KLHL2: variants seen among roughly 807,000 people sequenced by gnomAD.
KLHL2 encodes the protein kelch-like protein 2.
A neutral mutation model predicts 75.8 loss-of-function variants in KLHL2; 15 were observed. The observed-to-expected ratio is 0.20, with a 90% CI of 0.13 to 0.30. The LOEUF is 0.30. KLHL2 is among the 10% of genes least tolerant of loss of function. The pLI is 1.00. For missense variants in KLHL2, 381 were observed against 741.0 expected, an observed-to-expected ratio of 0.51 and a Z score of 5.64; for synonymous variants, 214 against 251.9, an observed-to-expected ratio of 0.85 and a Z score of 1.42.
chr4:165,247,361 T>C (rs1400618710), intron 4 of KLHL2, among the ~76,000 whole-genome samples: 2 of 152,176 alleles, frequency 1.3e-5, no homozygotes, highest in Non-Finnish European at 2.9e-5. Flanking sequence ...TGCCCTTTGC[T>C]ATGAAAGGGG....
At chr4:165,321,977 G>C in intron 14 of KLHL2, 55 bp from the exon 15 acceptor site, 2 of 1,521,548 alleles carry the variant, frequency 1.3e-6, no homozygotes, top group Non-Finnish European at 1.8e-6. Context: ...TGTTTTCTCA[G>C]AGATACAGAG....
chr4:165,317,169 T>C (rs1217493329), intron 13 of KLHL2, among the ~76,000 whole-genome samples: 1 of 151,948 alleles, frequency 6.6e-6, no homozygotes, highest in East Asian at 1.9e-4. Flanking sequence ...CTAACATATA[T>C]TTTCTTCCTT....
intron 3 of KLHL2, among the ~76,000 whole-genome samples, chr4:165,229,637 C>A (rs1738723165): frequency 6.6e-6 from 1 of 152,210 alleles, no homozygotes; most frequent in African/African-American, 2.4e-5. Flanking sequence ...TTACTAGATA[C>A]TTCAAGGCAT....
At chr4:165,278,154 T>G in intron 5 of KLHL2, 1 of 1,485,108 alleles carries the variant, frequency 6.7e-7, no homozygotes, top group Middle Eastern at 1.7e-4. Flanking sequence ...GAATAACGAA[T>G]TTCACTTTCC....
intron 5 of KLHL2, among the ~76,000 whole-genome samples, chr4:165,270,624 T>C (rs549645303): frequency 5.9e-5 from 9 of 152,294 alleles, no homozygotes; most frequent in Admixed American, 1.3e-4. Context: ...CTTCAGACCC[T>C]GTTTGCCTGG....
At chr4:165,244,400 G>GT (rs1740066101) in intron 4 of KLHL2, among the ~76,000 whole-genome samples, 1 of 152,230 alleles carries the variant, frequency 6.6e-6, no homozygotes. Flanking sequence ...GTAGAATGTA[G>GT]TTACTGAGGG....
At chr4:165,287,824 T>G (rs970002649) in intron 5 of KLHL2, among the ~76,000 whole-genome samples, 1 of 152,212 alleles carries the variant, frequency 6.6e-6, no homozygotes, top group Non-Finnish European at 1.5e-5. Flanking sequence ...TGGAGAAACG[T>G]TTATTCCAGT....
At chr4:165,282,390 T>A (rs533804802) in intron 5 of KLHL2, among the ~76,000 whole-genome samples, 41 of 152,370 alleles carry the variant, frequency 2.7e-4, no homozygotes, top group African/African-American at 9.6e-4. Flanking sequence ...TTAACCAAAC[T>A]GATGCAAAGA....
chr4:165,320,943 C>T (rs1419096032), intron 14 of KLHL2, among the ~76,000 whole-genome samples: 1 of 152,152 alleles, frequency 6.6e-6, no homozygotes. Flanking sequence ...GCTTCTTAAC[C>T]ACTGCCAGAC....
chr4:165,212,834 CG>C (rs35906683), intron 1 of KLHL2, among the ~76,000 whole-genome samples: 1 of 152,190 alleles, frequency 6.6e-6, no homozygotes, highest in African/African-American at 2.4e-5. Context: ...TATTTCCTCA[CG>C]GAAGTAGGCC....
In KLHL2 at chr4:165,317,983, C is replaced by G. The variant is rs753381079; in HGVS notation, c.1753+14C>G. 6 of 1,609,452 alleles carry G rather than the reference C, an allele frequency of 3.7e-6. No homozygotes were observed. The African/African-American group carries it at 6.7e-5, about 18-fold the overall frequency. On this transcript the variant is annotated intron_variant, in intron 14 of 14. Transcript: ENST00000226725. ...GAAGTTATGCAGGTAACAGTTGTCT[C>G]TAAAGTCAATTTCCGTACAAAAAGA...
chr4:165,245,539 C>G (rs764383919), intron 4 of KLHL2, among the ~76,000 whole-genome samples: 1 of 152,144 alleles, frequency 6.6e-6, no homozygotes, highest in Non-Finnish European at 1.5e-5. Context: ...AGCTGGGCAA[C>G]AAACCCAGGA....
At chr4:165,250,211 C>G (rs1368616773) in intron 4 of KLHL2, among the ~76,000 whole-genome samples, 2 of 152,172 alleles carry the variant, frequency 1.3e-5, no homozygotes, top group Admixed American at 1.3e-4. Flanking sequence ...TATTCCAGAT[C>G]TGCTCCTCCA....
chr4:165,314,474 C>T (rs1352229238), intron 13 of KLHL2, among the ~76,000 whole-genome samples: 1 of 152,106 alleles, frequency 6.6e-6, no homozygotes, highest in Non-Finnish European at 1.5e-5. Context: ...TTAAATGATA[C>T]TGAATTCATT....
At position 165,310,821 on chromosome 4, in the gene KLHL2, G is replaced by T; in HGVS notation, c.1237+71G>T. ...AGTAGTCATGTTTATGGAATAAATTGTGGCAACATTAGGGCACATGTGAGG... is the reference window on the plus strand; with the variant it reads ...AGTAGTCATGTTTATGGAATAAATTTTGGCAACATTAGGGCACATGTGAGG... On this transcript the variant is annotated intron_variant, in intron 10 of 14. Transcript: ENST00000226725. The T allele has an allele frequency of 5.7e-6, 7 of 1,236,226 alleles. No homozygotes were observed. In the South Asian group the frequency reaches 6.0e-5, roughly 11 times the overall value. 76.6% of individuals were successfully genotyped at this position (1,236,226 alleles called of 1,614,324 possible).
intron 4 of KLHL2, among the ~76,000 whole-genome samples, chr4:165,241,698 G>A (rs1739830331): frequency 6.6e-6 from 1 of 152,200 alleles, no homozygotes. Context: ...CTGAGGTCCA[G>A]CCATCTGTTG....
At chr4:165,263,807 T>TG (rs1741918343) in intron 5 of KLHL2, among the ~76,000 whole-genome samples, 1 of 19,638 alleles carries the variant, frequency 5.1e-5, no homozygotes, top group Non-Finnish European at 1.0e-4. Context: ...TTTACATTGT[T>TG]TTTTTTTTTT....
intron 4 of KLHL2, among the ~76,000 whole-genome samples, chr4:165,259,597 ATAT>A (rs1215110480): frequency 6.6e-6 from 1 of 152,178 alleles, no homozygotes; most frequent in East Asian, 1.9e-4. Context: ...AGATAATGAG[ATAT>A]TATTGTCTGG....
intron 5 of KLHL2, among the ~76,000 whole-genome samples, chr4:165,286,646 A>C (rs1327084855): frequency 6.6e-6 from 1 of 152,220 alleles, no homozygotes; most frequent in African/African-American, 2.4e-5. Flanking sequence ...GAACTATTTC[A>C]AGGTAAAATT....
Sources: allele counts gnomAD v4.1 joint callset (sites outside exome capture counted in the v4.1 genomes callset), GRCh38; gene constraint gnomAD v4.1.1; transcripts MANE v1.5; gene names NCBI Gene and HGNC (gene_info 2026-07-23, HGNC 2026-07-21).